PRKG2: variants seen among roughly 807,000 people sequenced by gnomAD.
PRKG2 encodes the protein protein kinase cGMP-dependent 2.
In PRKG2, 33 loss-of-function variants were observed where a neutral mutation model predicts 97.2. The ratio of observed to expected loss-of-function variants is 0.34; its 90% CI spans 0.26 to 0.45. The LOEUF is 0.45. Among genes scored for constraint, PRKG2 ranks in the 20% least tolerant of loss-of-function variants. The pLI is 1.00. For missense variants in PRKG2, 638 were observed against 900.0 expected, an observed-to-expected ratio of 0.71 and a Z score of 3.73; for synonymous variants, 330 against 321.8, an observed-to-expected ratio of 1.03 and a Z score of -0.27.
At chr4:81,149,334 G>T (rs578214756) in intron 8 of PRKG2, among the ~76,000 whole-genome samples, 2 of 152,122 alleles carry the variant, frequency 1.3e-5, no homozygotes, top group East Asian at 3.9e-4. Flanking sequence ...AAATGTATTG[G>T]AAAAACAGTC....
At chr4:81,173,740 T>C (rs894473969) in intron 3 of PRKG2, 14 of 151,992 alleles carry the variant, frequency 9.2e-5, no homozygotes, top group East Asian at 1.9e-4. Context: ...GAATAATACA[T>C]GTTTATTAAT....
Position 81,110,359 on chromosome 4 carries a change from C to T in PRKG2, c.1940+89G>A, listed in dbSNP as rs186996788. On this transcript the variant is annotated intron_variant, in intron 15 of 18. Coordinates refer to ENST00000264399, the MANE Select transcript of PRKG2 (RefSeq NM_006259.3). Reference sequence around the variant, plus strand: ...AATCGAAAACATTTTCAAAATGTTACGCTCTTAAAGTATATACACTTTATC... The same window carrying T: ...AATCGAAAACATTTTCAAAATGTTATGCTCTTAAAGTATATACACTTTATC... 2.7e-4 allele frequency: 368 copies of T among 1,342,430 alleles called. No individual in the cohort carries two copies. In the African/African-American group the frequency reaches 4.6e-3, roughly 17 times the overall value. The allele number at this position is 1,342,430 out of a possible 1,614,324, so 83.2% of individuals were successfully genotyped here. A position where few individuals can be genotyped will look rare whatever the true frequency, so the allele number is the denominator to read the frequency against.
chr4:81,175,055 C>T lies in PRKG2; in HGVS notation c.462-96G>A, dbSNP rs1750804064. ...TTCTGATTCTCAATAATATTATCTA[C>T]AAACTTATAACTTTCTAGCAAGAAC... On this transcript the variant is annotated intron_variant, in intron 2 of 18. Coordinates refer to ENST00000264399, the MANE Select transcript of PRKG2 (RefSeq NM_006259.3). 4 of 1,208,282 alleles carry T rather than the reference C, an allele frequency of 3.3e-6. No individual in the cohort carries two copies. In the South Asian group the frequency reaches 7.8e-5, roughly 23 times the overall value. 74.8% of individuals were successfully genotyped at this position (1,208,282 alleles called of 1,614,324 possible). A position where few individuals can be genotyped will look rare whatever the true frequency, so the allele number is the denominator to read the frequency against.
intron 14 of PRKG2, among the ~76,000 whole-genome samples, chr4:81,113,043 C>T (rs953638977): frequency 1.3e-5 from 2 of 152,148 alleles, no homozygotes; most frequent in Admixed American, 1.3e-4. Flanking sequence ...GAGCGGCAGT[C>T]GTGCCACCAA....
chr4:81,129,211 G>C (rs1745911434), intron 14 of PRKG2, among the ~76,000 whole-genome samples: 1 of 152,114 alleles, frequency 6.6e-6, no homozygotes. Flanking sequence ...CATTTGCTGA[G>C]GAGTGTTTTA....
chr4:81,201,393 A>G (rs1753306147), intron 2 of PRKG2, among the ~76,000 whole-genome samples: 1 of 152,222 alleles, frequency 6.6e-6, no homozygotes, highest in Non-Finnish European at 1.5e-5. Flanking sequence ...CACTGAATCT[A>G]GAACCTGAAA....
intron 2 of PRKG2, among the ~76,000 whole-genome samples, chr4:81,182,966 A>G (rs1359270119): frequency 9.2e-5 from 14 of 152,098 alleles, no homozygotes; most frequent in Admixed American, 3.9e-4. Flanking sequence ...CAGGTTGATC[A>G]GGTTCAATGA....
At chr4:81,142,997 G>A (rs781344797) in intron 10 of PRKG2, 50 bp from the exon 11 acceptor site, 2 of 1,511,798 alleles carry the variant, frequency 1.3e-6, no homozygotes, top group Non-Finnish European at 1.8e-6. Flanking sequence ...AATTAAGAAG[G>A]TGTCATGCCA....
At chr4:81,135,720 A>T (rs1432323442) in intron 13 of PRKG2, among the ~76,000 whole-genome samples, 1 of 152,128 alleles carries the variant, frequency 6.6e-6, no homozygotes, top group Non-Finnish European at 1.5e-5. Flanking sequence ...TTTGCATAGC[A>T]CGTCAGAGTA....
intron 2 of PRKG2, among the ~76,000 whole-genome samples, chr4:81,180,146 T>TTAAA (rs975311693): frequency 3.3e-5 from 5 of 150,636 alleles, no homozygotes; most frequent in African/African-American, 1.2e-4. Flanking sequence ...AAAAATAAAA[T>TTAAA]TAAATAAATA....
intron 14 of PRKG2, among the ~76,000 whole-genome samples, chr4:81,113,233 A>G (rs573420457): frequency 1.3e-5 from 2 of 152,276 alleles, no homozygotes; most frequent in South Asian, 4.2e-4. Flanking sequence ...AAGAAATCAC[A>G]GTAAGATTAA....
intron 2 of PRKG2, among the ~76,000 whole-genome samples, chr4:81,179,215 T>C (rs916240447): frequency 6.6e-6 from 1 of 151,624 alleles, no homozygotes; most frequent in African/African-American, 2.4e-5. Flanking sequence ...TTATAAACTC[T>C]GCATAAAATA....
rs561141425 is a variant in PRKG2, at chr4:81,165,136, T to C, written c.912+2025A>G. 2.6e-5 allele frequency: 4 copies of C among 152,270 alleles called. No individual in the cohort carries two copies. The East Asian group carries it at 7.7e-4, about 29-fold the overall frequency. 9.4% of individuals were successfully genotyped at this position (152,270 alleles called of 1,614,324 possible). A position where few individuals can be genotyped will look rare whatever the true frequency, so the allele number is the denominator to read the frequency against. ...GGTGTTATTCCCACCCTCGTTTTCTTATCAGAACACAAGAAGAGGCTTAAA... is the reference window on the plus strand; with the variant it reads ...GGTGTTATTCCCACCCTCGTTTTCTCATCAGAACACAAGAAGAGGCTTAAA... On this transcript the variant is annotated intron_variant, in intron 6 of 18. Transcript: ENST00000264399.
intron 9 of PRKG2, among the ~76,000 whole-genome samples, chr4:81,148,154 T>C (rs991886704): frequency 7.2e-5 from 11 of 152,290 alleles, no homozygotes; most frequent in African/African-American, 2.6e-4. Context: ...GTGATATCTG[T>C]TGTCATTTTA....
At chr4:81,149,106 A>C (rs938062677) in intron 8 of PRKG2, among the ~76,000 whole-genome samples, 154 bp from the exon 9 acceptor site, 3 of 152,212 alleles carry the variant, frequency 2.0e-5, no homozygotes, top group Admixed American at 6.6e-5. Flanking sequence ...ATATCCCCCC[A>C]AAAAAAGATT....
At chr4:81,114,270 C>T (rs1285823966) in intron 14 of PRKG2, among the ~76,000 whole-genome samples, 3 of 151,142 alleles carry the variant, frequency 2.0e-5, no homozygotes, top group African/African-American at 7.3e-5. Flanking sequence ...GTATCCTATA[C>T]ATTTTGTACC....
At chr4:81,090,412 C>T (rs1436200365) in intron 18 of PRKG2, among the ~76,000 whole-genome samples, 1 of 151,314 alleles carries the variant, frequency 6.6e-6, no homozygotes, top group African/African-American at 2.4e-5. Context: ...TAATTGAAAA[C>T]TCTTTTAAAA....
At position 81,152,936 on chromosome 4, in the gene PRKG2, T is replaced by C. The variant is rs540953728; in HGVS notation, c.990+708A>G. ...TTACAAATGGCAGTGCCTGACTCCC[T>C]GATGGTAAACCCTTCCATATAACAT... On this transcript the variant is annotated intron_variant, in intron 7 of 18. Transcript: ENST00000264399. Among the ~76,000 whole-genome samples the C allele has an allele frequency of 2.6e-5, 4 of 152,290 alleles. No homozygotes were observed. The East Asian group carries it at 7.7e-4, about 29-fold the overall frequency.
chr4:81,206,274 T>C (rs1223891392), intron 1 of PRKG2, among the ~76,000 whole-genome samples: 1 of 152,194 alleles, frequency 6.6e-6, no homozygotes, highest in Admixed American at 6.5e-5. Flanking sequence ...TTTGGCTGTG[T>C]CCCCACCCAA....
Sources: gnomAD v4.1 joint callset for allele counts (sites outside exome capture counted in the v4.1 genomes callset) on GRCh38, gnomAD v4.1.1 for gene constraint, MANE v1.5 for transcripts, NCBI Gene and HGNC (gene_info 2026-07-23, HGNC 2026-07-21) for gene names.